ARFGAP3: variants seen among roughly 807,000 people sequenced by gnomAD.
ARFGAP3 encodes ADP-ribosylation factor GTPase-activating protein 3.
ARFGAP3 carries 72 observed loss-of-function variants against 75.0 expected under a neutral mutation model. That is an observed-to-expected ratio of 0.96 (90% CI 0.79 to 1.17). ARFGAP3 has a LOEUF of 1.17. Among genes scored for constraint, ARFGAP3 ranks in the 50% most tolerant of loss-of-function variants. The pLI, the probability that ARFGAP3 is intolerant of heterozygous loss-of-function variation, is 0.00. For missense variants in ARFGAP3, 620 were observed against 626.6 expected (o/e 0.99, Z 0.11); for synonymous variants, 221 against 217.9 (o/e 1.01, Z -0.13).
Position 42,835,401 on chromosome 22 carries a change from T to C in ARFGAP3, c.354A>G (p.Lys118=), listed in dbSNP as rs778043524. 4.3e-6 allele frequency: 7 copies of C among 1,614,166 alleles called. No homozygotes were observed. In the East Asian group the frequency reaches 6.7e-5, roughly 15 times the overall value. ...TCCGTGTTGCTTGAGAGGCGAGCGA[T>C]TTGATTTTCTCCCTATAGAGCTGAG... is the stretch of plus-strand genomic sequence containing the variant. ...RAAQLYREKI[K]SLASQATRKH... The change falls in exon 4 of 16, where the codon AAA becomes AAG. Residue 118 remains lysine, a synonymous_variant. Transcript: ENST00000263245.
At chr22:42,824,923 A>G (rs1176808117) in intron 7 of ARFGAP3, among the ~76,000 whole-genome samples, 2 of 152,164 alleles carry the variant, frequency 1.3e-5, no homozygotes, top group South Asian at 2.1e-4. Flanking sequence ...GCCCCCACTT[A>G]TAAGTGAAAA....
At chr22:42,856,949 G>C (rs970448577) in intron 1 of ARFGAP3, among the ~76,000 whole-genome samples, 165 bp downstream of exon 1, 12 of 149,840 alleles carry the variant, frequency 8.0e-5, no homozygotes, top group Non-Finnish European at 1.8e-4. Flanking sequence ...TCAGCTGCCC[G>C]GCCCCGCCCG....
At chr22:42,806,332 G>A (rs371303021) in intron 14 of ARFGAP3, among the ~76,000 whole-genome samples, 1 of 50,268 alleles carries the variant, frequency 2.0e-5, no homozygotes, top group Non-Finnish European at 5.5e-5. Flanking sequence ...GTCAGGGGGA[G>A]GGGAAGTCGA....
intron 1 of ARFGAP3, among the ~76,000 whole-genome samples, chr22:42,854,040 A>G (rs990836728): frequency 6.6e-6 from 1 of 152,180 alleles, no homozygotes; most frequent in African/African-American, 2.4e-5. Context: ...AATGCCCACA[A>G]TGGGGACTGG....
chr22:42,848,272 G>A (rs918126051), intron 1 of ARFGAP3, among the ~76,000 whole-genome samples: 4 of 151,620 alleles, frequency 2.6e-5, no homozygotes, highest in East Asian at 1.9e-4. Context: ...GCAGCGGCAC[G>A]ATTTCGTCTC....
chr22:42,826,829 T>G, intron 7 of ARFGAP3, 111 bp downstream of exon 7: 1 of 752,182 alleles, frequency 1.3e-6, no homozygotes, highest in Non-Finnish European at 2.1e-6. Context: ...GATTCGGTCA[T>G]GATTATATTA....
At chr22:42,852,974 G>A (rs1011130970) in intron 1 of ARFGAP3, among the ~76,000 whole-genome samples, 2 of 152,124 alleles carry the variant, frequency 1.3e-5, no homozygotes, top group African/African-American at 4.8e-5. Flanking sequence ...ATGTTGGCCA[G>A]GCTGGTCTTG....
intron 11 of ARFGAP3, among the ~76,000 whole-genome samples, chr22:42,813,318 G>A (rs1925448648): frequency 6.6e-6 from 1 of 152,136 alleles, no homozygotes; most frequent in Non-Finnish European, 1.5e-5. Flanking sequence ...GGACCAAATG[G>A]CTGCCTTGAG....
At position 42,797,348 on chromosome 22, in the gene ARFGAP3, T is replaced by C. The variant is rs1924647196; in HGVS notation, c.*240A>G. ...GTTCCAAGAAAATAAAGCAAGGATA[T>C]ACACAGAGACGCCAAAGGAGGGTGT... On this transcript the variant is annotated 3_prime_UTR_variant, in exon 16 of 16. Transcript: ENST00000263245. The C allele has an allele frequency of 3.4e-6, 2 of 584,894 alleles. No individual in the cohort carries two copies. The highest frequency in any genetic ancestry group is 6.2e-5 in the Admixed American group (2 of 32,224). 36.2% of individuals were successfully genotyped at this position (584,894 alleles called of 1,614,324 possible).
intron 1 of ARFGAP3, among the ~76,000 whole-genome samples, chr22:42,856,767 T>TC (rs1314712987): frequency 6.6e-6 from 1 of 151,162 alleles, no homozygotes; most frequent in Non-Finnish European, 1.5e-5. Context: ...AGCCGGGAGC[T>TC]CCCTCCTCGC....
At chr22:42,830,551 T>A (rs963871810) in intron 6 of ARFGAP3, among the ~76,000 whole-genome samples, 3 of 152,240 alleles carry the variant, frequency 2.0e-5, no homozygotes, top group African/African-American at 7.2e-5. Context: ...CACTGCTTAG[T>A]TGTCCAAAGT....
intron 6 of ARFGAP3, among the ~76,000 whole-genome samples, chr22:42,828,186 G>C (rs1926126435): frequency 6.6e-6 from 1 of 152,046 alleles, no homozygotes; most frequent in East Asian, 1.9e-4. Flanking sequence ...ACTTCGGGAG[G>C]CCAAGGGGGA....
At chr22:42,827,925 G>A (rs928356146) in intron 6 of ARFGAP3, among the ~76,000 whole-genome samples, 2 of 152,084 alleles carry the variant, frequency 1.3e-5, no homozygotes, top group African/African-American at 4.8e-5. Flanking sequence ...TATTACAGGC[G>A]TGAGCTACCG....
chr22:42,799,275 C>G, intron 14 of ARFGAP3, 115 bp from the exon 15 acceptor site: 8 of 1,524,518 alleles, frequency 5.2e-6, no homozygotes, highest in Non-Finnish European at 7.0e-6. Flanking sequence ...CTCCTGCTGC[C>G]TCACAAGGGG....
chr22:42,844,165 A>G (rs62231582), intron 2 of ARFGAP3, among the ~76,000 whole-genome samples: 1 of 151,222 alleles, frequency 6.6e-6, no homozygotes, highest in Non-Finnish European at 1.5e-5. Flanking sequence ...ATTTTTTCCC[A>G]ATTAGCTAGT....
At chr22:42,854,235 G>C (rs1927402234) in intron 1 of ARFGAP3, among the ~76,000 whole-genome samples, 1 of 152,222 alleles carries the variant, frequency 6.6e-6, no homozygotes, top group African/African-American at 2.4e-5. Context: ...GCCCAGCATA[G>C]CATAGGTGCT....
At chr22:42,850,329 T>A (rs1050220480) in intron 1 of ARFGAP3, among the ~76,000 whole-genome samples, 1 of 152,038 alleles carries the variant, frequency 6.6e-6, no homozygotes, top group African/African-American at 2.4e-5. Flanking sequence ...CCTAGCACTT[T>A]GGGAGGCCAA....
At chr22:42,808,014 G>T (rs1346256275) in intron 13 of ARFGAP3, among the ~76,000 whole-genome samples, 3 of 151,780 alleles carry the variant, frequency 2.0e-5, no homozygotes, top group Admixed American at 2.0e-4. Flanking sequence ...CAAAGTGCTA[G>T]GATTATAGGT....
chr22:42,848,989 C>T (rs1465568864), intron 1 of ARFGAP3, among the ~76,000 whole-genome samples: 1 of 152,176 alleles, frequency 6.6e-6, no homozygotes, highest in Non-Finnish European at 1.5e-5. Flanking sequence ...ATCACTAGCT[C>T]TAGGGGAAGC....
Sources: gnomAD v4.1 joint callset for allele counts (sites outside exome capture counted in the v4.1 genomes callset) on GRCh38, gnomAD v4.1.1 for gene constraint, MANE v1.5 for transcripts, NCBI Gene and HGNC (gene_info 2026-07-23, HGNC 2026-07-21) for gene names.